SLC35D1: variants seen among roughly 807,000 people sequenced by gnomAD.
SLC35D1 encodes the protein nucleotide sugar transporter SLC35D1.
A neutral mutation model predicts 46.7 loss-of-function variants in SLC35D1; 31 were observed. That is an observed-to-expected ratio of 0.66 (90% CI 0.50 to 0.90). The LOEUF (loss-of-function observed/expected upper bound fraction) is 0.90, where lower values mean the gene tolerates loss of function less well. SLC35D1 is among the 40% of genes least tolerant of loss of function. SLC35D1 has a pLI of 0.00. For synonymous variants in SLC35D1, 195 were observed against 164.6 expected, an observed-to-expected ratio of 1.18 and a Z score of -1.41; for missense variants, 397 against 426.2, an observed-to-expected ratio of 0.93 and a Z score of 0.60.
intron 10 of SLC35D1, among the ~76,000 whole-genome samples, chr1:67,016,437 G>A (rs1397009201): frequency 1.3e-5 from 2 of 151,910 alleles, no homozygotes; most frequent in African/African-American, 2.4e-5. Flanking sequence ...TTATTGATCC[G>A]ACCATTAGAC....
At chr1:67,032,690 A>G (rs1668041816) in intron 8 of SLC35D1, among the ~76,000 whole-genome samples, 1 of 152,140 alleles carries the variant, frequency 6.6e-6, no homozygotes, top group African/African-American at 2.4e-5. Flanking sequence ...TCAAAATAAT[A>G]ACAATAATCA....
intron 6 of SLC35D1, among the ~76,000 whole-genome samples, chr1:67,047,585 C>T (rs1417403888): frequency 6.6e-6 from 1 of 152,202 alleles, no homozygotes; most frequent in Non-Finnish European, 1.5e-5. Flanking sequence ...CATTTAAACA[C>T]ATAATTAGCA....
At chr1:67,019,897 C>A (rs1667761919) in intron 10 of SLC35D1, among the ~76,000 whole-genome samples, 1 of 152,108 alleles carries the variant, frequency 6.6e-6, no homozygotes, top group African/African-American at 2.4e-5. Context: ...GAAATGAGAT[C>A]ATTGGAAATG....
At chr1:67,031,905 A>T (rs1668024255) in intron 8 of SLC35D1, 1 of 241,648 alleles carries the variant, frequency 4.1e-6, no homozygotes, top group Non-Finnish European at 6.7e-6. Context: ...TAGGAAATAG[A>T]AGGCATGGTG....
chr1:67,031,367 A>G (rs1419493788), intron 8 of SLC35D1, among the ~76,000 whole-genome samples: 2 of 152,130 alleles, frequency 1.3e-5, no homozygotes, highest in Non-Finnish European at 2.9e-5. Context: ...GGCAGTCCCT[A>G]CAGTGCAAAG....
At chr1:66,998,806 A>G (rs1253891130), downstream of SLC35D1, among the ~76,000 whole-genome samples, 1 of 152,214 alleles carries the variant, frequency 6.6e-6, no homozygotes. Context: ...ATAGAAACAT[A>G]AAGAATGGTG....
the SLC35D1 span, among the ~76,000 whole-genome samples, chr1:66,993,390 T>TGAA: frequency 1.3e-5 from 2 of 152,212 alleles, no homozygotes; most frequent in Admixed American, 1.3e-4. Context: ...CATGATGGAC[T>TGAA]GAAGACAAGA....
Position 67,039,237 on chromosome 1 carries a change from C to T in SLC35D1, c.729+2999G>A, listed in dbSNP as rs1668188326. Among the ~76,000 whole-genome samples the T allele has an allele frequency of 2.6e-5, 4 of 152,252 alleles. No homozygotes were observed. In the South Asian group the frequency reaches 8.3e-4, roughly 32 times the overall value. ...ATAATAAAAAACTGACTTGCCATGTCCCCAGTTATTTTCAAATTTAGGGTT... is the reference window on the plus strand; with the variant it reads ...ATAATAAAAAACTGACTTGCCATGTTCCCAGTTATTTTCAAATTTAGGGTT... On this transcript the variant is annotated intron_variant, in intron 8 of 11. Transcript: ENST00000235345.
intron 11 of SLC35D1, chr1:67,008,353 G>C (rs893912730): frequency 8.9e-7 from 1 of 1,128,742 alleles, no homozygotes; most frequent in Non-Finnish European, 1.2e-6. Flanking sequence ...TGGCCAGGGT[G>C]GTCTTGATCT....
intron 8 of SLC35D1, among the ~76,000 whole-genome samples, chr1:67,030,812 T>A (rs1468911748): frequency 6.6e-6 from 1 of 152,162 alleles, no homozygotes; most frequent in East Asian, 1.9e-4. Context: ...TTCCTGATAA[T>A]CAAGCAGCAA....
intron 7 of SLC35D1, among the ~76,000 whole-genome samples, chr1:67,043,696 A>G (rs765118065): frequency 1.4e-4 from 22 of 152,230 alleles, no homozygotes; most frequent in Non-Finnish European, 2.5e-4. Context: ...ATGAAGATTA[A>G]GATTACTATA....
At chr1:66,987,180 A>G in the SLC35D1 span, 2 of 152,708 alleles carry the variant, frequency 1.3e-5, no homozygotes, top group Non-Finnish European at 2.9e-5. Context: ...AGAAATATTT[A>G]ATTGTATTTT....
intron 1 of SLC35D1, 40 bp downstream of exon 1, chr1:67,053,771 T>C (rs967930027): frequency 4.2e-5 from 63 of 1,486,924 alleles, no homozygotes; most frequent in Non-Finnish European, 5.2e-5. Flanking sequence ...CGCCGCCCGC[T>C]CCTCCTCCGC....
chr1:66,989,801 TGGG>T, the SLC35D1 span, among the ~76,000 whole-genome samples: 8 of 152,276 alleles, frequency 5.3e-5, 1 homozygote, highest in South Asian at 1.7e-3. Context: ...GGCCTTAAAT[TGGG>T]GGTGGTTTCT....
At chr1:66,985,241 T>TA in the SLC35D1 span, 6 of 970,772 alleles carry the variant, frequency 6.2e-6, no homozygotes, top group Non-Finnish European at 7.4e-6. Context: ...TTTGATGTAT[T>TA]AATCATAAAA....
At chr1:67,022,084 AAGG>A (rs1221513476) in intron 8 of SLC35D1, among the ~76,000 whole-genome samples, 3 of 152,194 alleles carry the variant, frequency 2.0e-5, no homozygotes, top group Non-Finnish European at 1.5e-5. Context: ...AGGTCTATTC[AAGG>A]AGAATTACTG....
intron 11 of SLC35D1, among the ~76,000 whole-genome samples, chr1:67,005,696 G>A (rs1452510875): frequency 6.6e-6 from 1 of 152,112 alleles, no homozygotes; most frequent in Admixed American, 6.5e-5. Context: ...GAAAGTCCCA[G>A]AGTCATAAGA....
At chr1:67,008,761 AC>A (rs1667502894) in intron 11 of SLC35D1, among the ~76,000 whole-genome samples, 1 of 151,906 alleles carries the variant, frequency 6.6e-6, no homozygotes, top group Non-Finnish European at 1.5e-5. Context: ...GTCCACCACC[AC>A]GCCCAGGTAA....
At chr1:66,995,627 A>G (rs997699359), downstream of SLC35D1, among the ~76,000 whole-genome samples, 2 of 151,996 alleles carry the variant, frequency 1.3e-5, no homozygotes, top group African/African-American at 4.8e-5. Context: ...GGGACGTACT[A>G]TAACGAAAGA....
Sources: gnomAD v4.1 joint callset for allele counts (sites outside exome capture counted in the v4.1 genomes callset) on GRCh38, gnomAD v4.1.1 for gene constraint, MANE v1.5 for transcripts, NCBI Gene and HGNC (gene_info 2026-07-23, HGNC 2026-07-21) for gene names.